The following WRNIP1 variants were observed in gnomAD, a reference collection of about 807,000 sequenced individuals.
The protein encoded by WRNIP1 is WRN helicase interacting protein 1.
WRNIP1 carries 41 observed loss-of-function variants against 56.1 expected under a neutral mutation model. The observed-to-expected ratio is 0.73, with a 90% CI of 0.57 to 0.95. WRNIP1 has a LOEUF of 0.95. WRNIP1 is among the 40% of genes least tolerant of loss of function. The probability of loss-of-function intolerance (pLI) is 0.00; values close to 1 mark genes in which losing one functional copy is unlikely to be tolerated. For missense variants in WRNIP1, 1,170 were observed against 939.4 expected, an observed-to-expected ratio of 1.25 and a Z score of -3.21; for synonymous variants, 547 against 398.1, an observed-to-expected ratio of 1.37 and a Z score of -4.45.
intron 3 of WRNIP1, among the ~76,000 whole-genome samples, chr6:2,775,772 T>C (rs889325661): frequency 2.0e-5 from 3 of 152,258 alleles, no homozygotes; most frequent in Non-Finnish European, 4.4e-5. Context: ...TGTTTCTATC[T>C]CTAGGTTTTG....
Position 2,785,119 on chromosome 6 carries a change from C to G in WRNIP1, c.1835C>G (p.Pro612Arg). 1.9e-6 allele frequency: 3 copies of G among 1,614,208 alleles called. No homozygotes were observed. The highest frequency in any genetic ancestry group is 2.5e-6 in the Non-Finnish European group (3 of 1,180,042). ...CTGAGGAACCACCAGGGGCCACTGC[C>G]CCCCGTGCCCCTGCACCTGAGGAAC... ...ACLRNHQGPL[P>R]PVPLHLRNAP... The change falls in exon 7 of 7, where the codon CCC (proline) becomes CGC (arginine). Residue 612 changes from proline (P) to arginine (R), a missense_variant. Coordinates refer to ENST00000380773, the MANE Select transcript of WRNIP1 (RefSeq NM_020135.3).
chr6:2,769,000 T>C, intron 2 of WRNIP1, 118 bp downstream of exon 2: 1 of 989,368 alleles, frequency 1.0e-6, no homozygotes. Context: ...AGCGTAGGCT[T>C]GTGAACCCAT....
chr6:2,784,138 C>T (rs986293512), intron 5 of WRNIP1, among the ~76,000 whole-genome samples, 186 bp from the exon 6 acceptor site: 1 of 152,150 alleles, frequency 6.6e-6, no homozygotes, highest in Non-Finnish European at 1.5e-5. Flanking sequence ...ACACAGTAAC[C>T]ACTCTCAATA....
intron 4 of WRNIP1, among the ~76,000 whole-genome samples, chr6:2,779,743 G>T (rs913224898): frequency 6.6e-6 from 1 of 152,212 alleles, no homozygotes; most frequent in Non-Finnish European, 1.5e-5. Flanking sequence ...ATGGCAGGCT[G>T]CACATTCACC....
rs755360636 is a variant in WRNIP1, at chr6:2,781,613, G to T, written c.1487-1793G>T. 4.6e-5 allele frequency among the ~76,000 whole-genome samples: 7 copies of T among 152,342 alleles called. No individual in the cohort carries two copies. In the South Asian group the frequency reaches 1.4e-3, roughly 32 times the overall value. ...TTACCCACTAGTAGGATCCAGTGAT[G>T]TTTCTGCATCAGAGTGAAGGAATTT... On this transcript the variant is annotated intron_variant, in intron 4 of 6. Coordinates refer to ENST00000380773, the MANE Select transcript of WRNIP1 (RefSeq NM_020135.3).
chr6:2,774,007 T>C (rs112681900), intron 3 of WRNIP1: 1 of 985,302 alleles, frequency 1.0e-6, no homozygotes, highest in Non-Finnish European at 1.2e-6. Flanking sequence ...AAGGTGGCTA[T>C]GGATTCTTCT....
intron 2 of WRNIP1, among the ~76,000 whole-genome samples, chr6:2,769,755 T>C (rs1325738588): frequency 4.6e-5 from 7 of 152,220 alleles, no homozygotes. Flanking sequence ...TTGTGTGTTC[T>C]TGTCTATAAA....
chr6:2,778,897 G>A (rs1355695492), intron 3 of WRNIP1, among the ~76,000 whole-genome samples: 4 of 152,210 alleles, frequency 2.6e-5, no homozygotes, highest in African/African-American at 7.2e-5. Flanking sequence ...TCCATACACG[G>A]TAATGAGGTG....
chr6:2,772,207 A>T (rs1765309087), intron 3 of WRNIP1, among the ~76,000 whole-genome samples: 1 of 152,252 alleles, frequency 6.6e-6, no homozygotes, highest in Non-Finnish European at 1.5e-5. Flanking sequence ...GTTTGAGAAG[A>T]TCAAGTGAAA....
Position 2,783,489 on chromosome 6 carries a change from C to A in WRNIP1, c.1570C>A (p.Arg524Ser), listed in dbSNP as rs761679945. The A allele has an allele frequency of 6.2e-7, 1 of 1,613,848 alleles. No individual in the cohort carries two copies. Among genetic ancestry groups the A allele is most frequent in the Non-Finnish European group, 8.5e-7 (1 of 1,179,956 alleles). ...GAACGCCTCCCTCTACTGGCTGGCT[C>A]GCATGCTCGAGGGAGGAGAGGACCC... is the stretch of plus-strand genomic sequence containing the variant. ...DQNASLYWLARMLEGGEDPLY... is the reference protein window; with the variant it reads ...DQNASLYWLASMLEGGEDPLY... Residue 524 changes from arginine (R) to serine (S), a missense_variant, in exon 5 of 7, where the codon CGC (arginine) becomes AGC (serine). Arg to Ser is a moderately radical substitution (Grantham distance 110). Transcript: ENST00000380773.
At position 2,784,366 on chromosome 6, in the gene WRNIP1, A is replaced by C; in HGVS notation, c.1685A>C (p.Tyr562Ser). Residue 562 changes from tyrosine to serine, a missense_variant, in exon 6 of 7, where the codon TAC becomes TCC. Tyr to Ser is a moderately radical substitution (Grantham distance 144, BLOSUM62 -2). Coordinates refer to ENST00000380773, the MANE Select transcript of WRNIP1 (RefSeq NM_020135.3). Reference sequence around the variant, plus strand: ...GCGTTAACACAAGCGGTTGCTGCCTACCAAGGCTGTCATTTTATAGGCATG... The same window carrying C: ...GCGTTAACACAAGCGGTTGCTGCCTCCCAAGGCTGTCATTTTATAGGCATG... ...PSALTQAVAA[Y>S]QGCHFIGMPE... 6.2e-7 allele frequency: 1 copy of C among 1,614,154 alleles called. No homozygotes were observed. Among genetic ancestry groups the C allele is most frequent in the Non-Finnish European group, 8.5e-7 (1 of 1,179,980 alleles).
Position 2,779,380 on chromosome 6 carries a change from G to A in WRNIP1, c.1374G>A (p.Arg458=). 1 of 1,614,240 alleles carries A rather than the reference G, an allele frequency of 6.2e-7. No homozygotes were observed. The highest frequency in any genetic ancestry group is 8.5e-7 in the Non-Finnish European group (1 of 1,180,050). ...QLAVLARLSS[R]KMFCKKSGQS... ...CGGTGCTGGCTAGGTTAAGCTCTAGGAAGATGTTCTGTAAGAAGAGTGGGC... is the reference window on the plus strand; with the variant it reads ...CGGTGCTGGCTAGGTTAAGCTCTAGAAAGATGTTCTGTAAGAAGAGTGGGC... Residue 458 remains arginine (R), a synonymous_variant, in exon 4 of 7, where the codon AGG becomes AGA. Coordinates refer to ENST00000380773, the MANE Select transcript of WRNIP1 (RefSeq NM_020135.3).
At chr6:2,771,135 A>C (rs550899191) in intron 3 of WRNIP1, among the ~76,000 whole-genome samples, 1 of 152,134 alleles carries the variant, frequency 6.6e-6, no homozygotes, top group Non-Finnish European at 1.5e-5. Context: ...ATGAGAGGCT[A>C]TTGCCCACCT....
At chr6:2,778,599 C>T (rs113457927) in intron 3 of WRNIP1, among the ~76,000 whole-genome samples, 1,636 of 152,292 alleles carry the variant, frequency 0.011, 28 homozygotes, top group African/African-American at 0.037. Context: ...CTAATGACCT[C>T]TCTGCTACCC....
intron 3 of WRNIP1, among the ~76,000 whole-genome samples, chr6:2,770,770 T>G (rs1051189121): frequency 6.6e-6 from 1 of 152,154 alleles, no homozygotes; most frequent in East Asian, 1.9e-4. Context: ...ATTGTACTCA[T>G]GTTTCAATTT....
rs577918603 is a variant in WRNIP1, at chr6:2,765,487, C to T, written c.-136C>T. 5.2e-6 allele frequency: 6 copies of T among 1,162,480 alleles called. No homozygotes were observed. In the East Asian group the frequency reaches 1.1e-4, roughly 21 times the overall value. 72.0% of individuals were successfully genotyped at this position (1,162,480 alleles called of 1,614,324 possible). ...GACGTGAGGCATGAGCGGCGCCCTC[C>T]TCCGGCCCGCGAGCGTCCTGCTGGT... On this transcript the variant is annotated 5_prime_UTR_variant, in exon 1 of 7. Transcript: ENST00000380773.
Position 2,765,562 on chromosome 6 carries a change from G to C in WRNIP1, c.-61G>C. On this transcript the variant is annotated 5_prime_UTR_variant, in exon 1 of 7. Transcript: ENST00000380773. ...CGGGGCCTAGCGGAGGGCATCGAAG[G>C]CCTCCGCGTGCGCACGGGTTGCTGC... The C allele has an allele frequency of 7.2e-7, 1 of 1,392,508 alleles. No homozygotes were observed. The highest frequency in any genetic ancestry group is 9.3e-7 in the Non-Finnish European group (1 of 1,079,682). The allele number at this position is 1,392,508 out of a possible 1,614,324, so 86.3% of individuals were successfully genotyped here.
intron 3 of WRNIP1, among the ~76,000 whole-genome samples, chr6:2,778,627 A>G (rs1032786707): frequency 1.3e-5 from 2 of 152,156 alleles, no homozygotes; most frequent in Non-Finnish European, 2.9e-5. Flanking sequence ...ATTTTGCATG[A>G]TTAGTGTCCA....
At chr6:2,771,846 A>C (rs778385766) in intron 3 of WRNIP1, among the ~76,000 whole-genome samples, 2 of 152,206 alleles carry the variant, frequency 1.3e-5, no homozygotes, top group East Asian at 1.9e-4. Context: ...AAAGGGGGGA[A>C]ATCCTAACAT....
Sources: allele counts gnomAD v4.1 joint callset (sites outside exome capture counted in the v4.1 genomes callset), GRCh38; gene constraint gnomAD v4.1.1; transcripts MANE v1.5; gene names NCBI Gene and HGNC (gene_info 2026-07-23, HGNC 2026-07-21).